FAM81A: variants seen among roughly 807,000 people sequenced by gnomAD.
The protein encoded by FAM81A is family with sequence similarity 81 member A.
A neutral mutation model predicts 46.7 loss-of-function variants in FAM81A; 19 were observed. That is an observed-to-expected ratio of 0.41 (90% CI 0.28 to 0.60). The LOEUF is 0.60. FAM81A is among the 20% of genes least tolerant of loss of function. The probability of loss-of-function intolerance (pLI) is 0.34; values close to 1 mark genes in which losing one functional copy is unlikely to be tolerated. For synonymous variants in FAM81A, 183 were observed against 152.9 expected (o/e 1.20, Z -1.45); for missense variants, 377 against 453.5 (o/e 0.83, Z 1.53).
chr15:59,505,350 A>G (rs1309751617), intron 4 of FAM81A, among the ~76,000 whole-genome samples: 2 of 152,046 alleles, frequency 1.3e-5, no homozygotes, highest in Non-Finnish European at 2.9e-5. Context: ...CATGTTTACT[A>G]AAAATACAAA....
chr15:59,434,850 C>T (rs778231341), upstream of FAM81A, among the ~76,000 whole-genome samples: 26 of 152,234 alleles, frequency 1.7e-4, no homozygotes, highest in Non-Finnish European at 3.1e-4. Context: ...ATAAACACCA[C>T]GTTGACCTAC....
At chr15:59,515,074 A>G (rs1046254216) in intron 7 of FAM81A, among the ~76,000 whole-genome samples, 25 of 152,090 alleles carry the variant, frequency 1.6e-4, no homozygotes, top group African/African-American at 5.5e-4. Context: ...GTGAAACCCC[A>G]TCTCTACAAA....
chr15:59,494,455 C>T (rs1268799635), intron 4 of FAM81A, among the ~76,000 whole-genome samples: 1 of 152,138 alleles, frequency 6.6e-6, no homozygotes, highest in East Asian at 1.9e-4. Context: ...GTGGCATTGT[C>T]CTTATGATGC....
chr15:59,431,876 G>T (rs2081221994), intron 2 of FAM81A, among the ~76,000 whole-genome samples: 1 of 152,190 alleles, frequency 6.6e-6, no homozygotes, highest in Non-Finnish European at 1.5e-5. Context: ...ACTATGTGGG[G>T]CTCCAGTGCC....
At chr15:59,429,792 T>TC (rs1177808023) in intron 2 of FAM81A, among the ~76,000 whole-genome samples, 5 of 152,234 alleles carry the variant, frequency 3.3e-5, no homozygotes, top group Non-Finnish European at 5.9e-5. Flanking sequence ...CCTTTATTTT[T>TC]CTCTCTGGAT....
intron 2 of FAM81A, among the ~76,000 whole-genome samples, chr15:59,404,858 T>C (rs1213919576): frequency 3.9e-5 from 6 of 152,236 alleles, no homozygotes; most frequent in Admixed American, 3.9e-4. Context: ...ATGAAATCCA[T>C]GTGTTTCTCA....
At chr15:59,468,455 G>C (rs1217116829) in intron 3 of FAM81A, among the ~76,000 whole-genome samples, 1 of 152,102 alleles carries the variant, frequency 6.6e-6, no homozygotes, top group Non-Finnish European at 1.5e-5. Flanking sequence ...GTGTGTCCAG[G>C]AATTTATCCA....
Position 59,516,768 on chromosome 15 carries a change from C to A in FAM81A, c.910C>A (p.His304Asn). 1 of 1,613,088 alleles carries A rather than the reference C, an allele frequency of 6.2e-7. No homozygotes were observed. Among genetic ancestry groups the A allele is most frequent in the African/African-American group, 1.3e-5 (1 of 74,942 alleles). The change falls in exon 8 of 9, where the codon CAC becomes AAC. Residue 304 changes from histidine to asparagine, a missense_variant. Transcript: ENST00000288228. ...QRTRQEEEKM[H>N]GRITKLELQM... ...AACAAGGCAAGAAGAGGAGAAGATGCACGGGCGAATCACCAAGCTGGAGTT... is the reference window on the plus strand; with the variant it reads ...AACAAGGCAAGAAGAGGAGAAGATGAACGGGCGAATCACCAAGCTGGAGTT...
Position 59,438,728 on chromosome 15 carries a change from C to T in FAM81A, c.-78+446C>T, listed in dbSNP as rs770392641. 2.6e-5 allele frequency: 4 copies of T among 152,232 alleles called. No individual in the cohort carries two copies. The East Asian group carries it at 5.8e-4, about 22-fold the overall frequency. 9.4% of individuals were successfully genotyped at this position (152,232 alleles called of 1,614,324 possible). On this transcript the variant is annotated intron_variant, in intron 1 of 8. Coordinates refer to ENST00000288228, the MANE Select transcript of FAM81A (RefSeq NM_152450.3). ...CAGTTCCAGAATGCTGTTGTGCCAT[C>T]CTACTGCGAGCTGAGAAAGAGCCCT...
chr15:59,520,761 C>T lies in FAM81A; in HGVS notation c.983-493C>T, dbSNP rs374492450. Among the ~76,000 whole-genome samples the T allele has an allele frequency of 9.9e-5, 15 of 152,206 alleles. No individual in the cohort carries two copies. The South Asian group carries it at 2.1e-3, about 21-fold the overall frequency. Reference sequence around the variant, plus strand: ...TGTATTTTTAGTAGAGACAGGGTTTCGCCGTGTTGGCCAGGCTGGCTCGAA... The same window carrying T: ...TGTATTTTTAGTAGAGACAGGGTTTTGCCGTGTTGGCCAGGCTGGCTCGAA... On this transcript the variant is annotated intron_variant, in intron 8 of 8. Transcript: ENST00000288228.
At chr15:59,476,003 A>T (rs574593680) in intron 3 of FAM81A, among the ~76,000 whole-genome samples, 55 of 152,316 alleles carry the variant, frequency 3.6e-4, no homozygotes, top group African/African-American at 8.4e-4. Context: ...GAAGTCCAAG[A>T]TCAAAATGCT....
intron 3 of FAM81A, among the ~76,000 whole-genome samples, chr15:59,483,241 T>G (rs1158462571): frequency 5.9e-5 from 9 of 151,888 alleles, no homozygotes; most frequent in African/African-American, 1.5e-4. Flanking sequence ...GTTTCACCAT[T>G]TTGGCCAGGC....
chr15:59,499,762 A>T (rs1339568825), intron 4 of FAM81A, among the ~76,000 whole-genome samples: 2 of 151,870 alleles, frequency 1.3e-5, no homozygotes, highest in African/African-American at 4.8e-5. Flanking sequence ...ATTATTTCTG[A>T]TGAAAAATTA....
chr15:59,408,588 G>T (rs760707991), intron 2 of FAM81A, among the ~76,000 whole-genome samples: 3 of 152,164 alleles, frequency 2.0e-5, no homozygotes, highest in Non-Finnish European at 1.5e-5. Flanking sequence ...CAGCAATTTG[G>T]GAGGCCAAGG....
At chr15:59,494,869 AT>A (rs1271887354) in intron 4 of FAM81A, among the ~76,000 whole-genome samples, 1 of 152,010 alleles carries the variant, frequency 6.6e-6, no homozygotes, top group Non-Finnish European at 1.5e-5. Context: ...ATGGGCCTTG[AT>A]TTTTTTCCCC....
chr15:59,479,784 A>G lies in FAM81A; in HGVS notation c.295-12487A>G, dbSNP rs560906037. Among the ~76,000 whole-genome samples, 557 of 152,188 alleles carry G rather than the reference A, an allele frequency of 3.7e-3. 5 individuals carry two copies. Among genetic ancestry groups the G allele is most frequent in the African/African-American group, 0.013 (531 of 41,528 alleles). Reference sequence around the variant, plus strand: ...CAGCCCGTGAGACTTGAAGGTTGTGATAAGAAGTTTGGAGTCTGGAAATGG... The same window carrying G: ...CAGCCCGTGAGACTTGAAGGTTGTGGTAAGAAGTTTGGAGTCTGGAAATGG... On this transcript the variant is annotated intron_variant, in intron 3 of 8. Coordinates refer to ENST00000288228, the MANE Select transcript of FAM81A (RefSeq NM_152450.3).
intron 4 of FAM81A, among the ~76,000 whole-genome samples, chr15:59,502,401 A>T (rs1221846994): frequency 6.6e-6 from 1 of 151,392 alleles, no homozygotes; most frequent in African/African-American, 2.4e-5. Context: ...TCATTGTTCA[A>T]TTCCCACCTA....
intron 1 of FAM81A, among the ~76,000 whole-genome samples, chr15:59,399,745 G>A (rs2081062138): frequency 6.6e-6 from 1 of 152,146 alleles, no homozygotes; most frequent in South Asian, 2.1e-4. Flanking sequence ...TCATTCTCAG[G>A]TAATGTTCCC....
intron 2 of FAM81A, among the ~76,000 whole-genome samples, chr15:59,428,759 T>C (rs1219607958): frequency 2.7e-5 from 4 of 150,620 alleles, no homozygotes; most frequent in African/African-American, 9.8e-5. Context: ...ACCTCCCAAG[T>C]AGCTGGAATT....
Sources: gnomAD v4.1 joint callset for allele counts (sites outside exome capture counted in the v4.1 genomes callset) on GRCh38, gnomAD v4.1.1 for gene constraint, MANE v1.5 for transcripts, NCBI Gene and HGNC (gene_info 2026-07-23, HGNC 2026-07-21) for gene names.